Variants in FRMPD4 observed in about 807,000 individuals in gnomAD.
FRMPD4 encodes the protein FERM and PDZ domain containing 4, also known as FERM and PDZ domain-containing protein 4.
FRMPD4 carries 22 observed loss-of-function variants against 94.1 expected under a neutral mutation model. The ratio of observed to expected loss-of-function variants is 0.23; its 90% CI spans 0.17 to 0.33. FRMPD4 has a LOEUF of 0.33. FRMPD4 is among the 10% of genes least tolerant of loss of function. The pLI is 1.00. For missense variants in FRMPD4, 1,111 were observed against 1,339.9 expected, an observed-to-expected ratio of 0.83 and a Z score of 2.67; for synonymous variants, 631 against 548.6, an observed-to-expected ratio of 1.15 and a Z score of -2.10.
At chrX:12,403,157 C>G (rs1434304208) in intron 1 of FRMPD4, among the ~76,000 whole-genome samples, 1 of 111,342 alleles carries the variant, frequency 9.0e-6, no homozygotes, top group Non-Finnish European at 1.9e-5. Flanking sequence ...TTATAAAATG[C>G]ACCAGTGTCT....
At chrX:12,008,277 C>A (rs2054564181) in intron 3 of FRMPD4, among the ~76,000 whole-genome samples, 1 of 111,546 alleles carries the variant, frequency 9.0e-6, no homozygotes. Flanking sequence ...GTCACGTGGG[C>A]ATGGCAGTGT....
intron 1 of FRMPD4, among the ~76,000 whole-genome samples, chrX:12,266,016 C>A (rs1271688644): frequency 3.8e-5 from 4 of 105,951 alleles, no homozygotes; most frequent in African/African-American, 1.4e-4. Flanking sequence ...GCCTGTAGTC[C>A]CAGCTATTCG....
At chrX:12,625,442 G>A (rs896238203) in intron 4 of FRMPD4, among the ~76,000 whole-genome samples, 3 of 111,502 alleles carry the variant, frequency 2.7e-5, no homozygotes, top group African/African-American at 9.8e-5. Flanking sequence ...ATATATACAC[G>A]GTAGAATATT....
intron 3 of FRMPD4, among the ~76,000 whole-genome samples, chrX:12,037,446 G>A (rs1395755655): frequency 1.8e-5 from 2 of 111,328 alleles, no homozygotes; most frequent in Non-Finnish European, 3.8e-5. Flanking sequence ...TCTGATTTTT[G>A]TTCTTGTGAG....
intron 4 of FRMPD4, among the ~76,000 whole-genome samples, chrX:12,655,764 T>C (rs2059648233): frequency 8.9e-6 from 1 of 112,102 alleles, no homozygotes; most frequent in Non-Finnish European, 1.9e-5. Context: ...GCTTTCATCC[T>C]GGAAGCATGT....
intron 5 of FRMPD4, 40 bp downstream of exon 5, chrX:12,674,948 A>G (rs1452198955): frequency 4.5e-6 from 4 of 894,790 alleles, no homozygotes; most frequent in Non-Finnish European, 6.6e-6. Flanking sequence ...TAATGTTCTC[A>G]GGCTTCTTGT....
At chrX:12,237,647 A>T (rs934299645) in intron 1 of FRMPD4, among the ~76,000 whole-genome samples, 7 of 111,815 alleles carry the variant, frequency 6.3e-5, no homozygotes, top group African/African-American at 2.3e-4. Context: ...TTTCTCTTTG[A>T]TATTTGATCC....
At chrX:12,451,957 C>T (rs1473710657) in intron 1 of FRMPD4, among the ~76,000 whole-genome samples, 1 of 110,669 alleles carries the variant, frequency 9.0e-6, no homozygotes, top group Non-Finnish European at 1.9e-5. Context: ...TACCTTTCTA[C>T]TATTCTCTAA....
In FRMPD4 at chrX:12,266,057, C is replaced by T. The variant is rs188776802; in HGVS notation, c.41+127045C>T. Reference sequence around the variant, plus strand: ...CTGAGGCAGGAGAATGGCGTGAACCCGGGAGGCGGAGCTTGCAGTGAGCCG... The same window carrying T: ...CTGAGGCAGGAGAATGGCGTGAACCTGGGAGGCGGAGCTTGCAGTGAGCCG... On this transcript the variant is annotated intron_variant, in intron 1 of 16. Transcript: ENST00000675598. Among the ~76,000 whole-genome samples the T allele has an allele frequency of 9.9e-3, 932 of 93,822 alleles. 7 individuals are homozygous for T. Among genetic ancestry groups the T allele is most frequent in the African/African-American group, 0.034 (836 of 24,235 alleles). 81.5% of individuals were successfully genotyped at this position (93,822 alleles called of 115,157 possible). A position where few individuals can be genotyped will look rare whatever the true frequency, so the allele number is the denominator to read the frequency against.
intron 2 of FRMPD4, among the ~76,000 whole-genome samples, chrX:11,869,792 T>C (rs2053745766): frequency 9.0e-6 from 1 of 111,640 alleles, no homozygotes; most frequent in African/African-American, 3.3e-5. Flanking sequence ...GTATTATATC[T>C]TGATTGATTT....
At chrX:12,559,653 G>GAAAAA (rs3066467) in intron 2 of FRMPD4, among the ~76,000 whole-genome samples, 2 of 95,398 alleles carry the variant, frequency 2.1e-5, no homozygotes, top group Non-Finnish European at 4.1e-5. Flanking sequence ...CCGTCTCAAG[G>GAAAAA]AAAAAAAAAA....
At chrX:12,307,166 A>G (rs146165441) in intron 1 of FRMPD4, among the ~76,000 whole-genome samples, 87 of 112,452 alleles carry the variant, frequency 7.7e-4, no homozygotes, top group African/African-American at 2.4e-3. Context: ...TCAGAAAGCC[A>G]GCAAGAAGCC....
intron 3 of FRMPD4, among the ~76,000 whole-genome samples, chrX:12,119,772 C>CT (rs2055439310): frequency 8.9e-6 from 1 of 112,173 alleles, no homozygotes; most frequent in African/African-American, 3.2e-5. Context: ...TAAACTCAAC[C>CT]TTTCATTCGC....
intron 3 of FRMPD4, among the ~76,000 whole-genome samples, chrX:12,614,498 G>A (rs1319729074): frequency 9.0e-6 from 1 of 111,353 alleles, no homozygotes; most frequent in Non-Finnish European, 1.9e-5. Context: ...ATCCCCAGGT[G>A]ATTCACCATA....
At chrX:11,935,468 T>C (rs2054153774) in intron 3 of FRMPD4, among the ~76,000 whole-genome samples, 1 of 9,334 alleles carries the variant, frequency 1.1e-4, no homozygotes, top group Non-Finnish European at 2.2e-4. Context: ...CAGAGTGTGA[T>C]ATTCCCCTTC....
chrX:12,421,962 CCA>C (rs1265923843), intron 1 of FRMPD4, among the ~76,000 whole-genome samples: 4 of 111,220 alleles, frequency 3.6e-5, no homozygotes, highest in African/African-American at 1.3e-4. Flanking sequence ...ACCTTCATTT[CCA>C]CAAACACTTA....
At chrX:12,060,237 C>G (rs2054877345) in intron 3 of FRMPD4, among the ~76,000 whole-genome samples, 1 of 107,468 alleles carries the variant, frequency 9.3e-6, no homozygotes. Context: ...TATAAACGTT[C>G]CCTTTTCTCC....
chrX:12,133,547 C>T (rs142156944), upstream of FRMPD4, among the ~76,000 whole-genome samples: 1,496 of 111,803 alleles, frequency 0.013, 12 homozygotes, highest in Non-Finnish European at 0.019. Context: ...ACCTCAGCCT[C>T]CCAAACTGTT....
At chrX:11,990,763 A>T (rs946553507) in intron 3 of FRMPD4, among the ~76,000 whole-genome samples, 3 of 111,678 alleles carry the variant, frequency 2.7e-5, no homozygotes, top group Non-Finnish European at 5.7e-5. Context: ...TAAACAACAC[A>T]TGTTTATTAC....
Sources: allele counts gnomAD v4.1 joint callset (sites outside exome capture counted in the v4.1 genomes callset), GRCh38; gene constraint gnomAD v4.1.1; transcripts MANE v1.5; gene names NCBI Gene and HGNC (gene_info 2026-07-23, HGNC 2026-07-21).